The following TLL2 variants were observed in gnomAD, a reference collection of about 807,000 sequenced individuals.
TLL2 encodes tolloid like 2, also known as tolloid-like protein 2.
In TLL2, 106 loss-of-function variants were observed where a neutral mutation model predicts 123.0. That is an observed-to-expected ratio of 0.86 (90% confidence interval 0.74 to 1.01). The LOEUF is 1.01. Ranked by LOEUF, TLL2 falls within the 50% of genes least tolerant of loss-of-function variation. The probability of loss-of-function intolerance (pLI) is 0.00; values close to 1 mark genes in which losing one functional copy is unlikely to be tolerated. For missense variants in TLL2, 1,332 were observed against 1,336.7 expected, an observed-to-expected ratio of 1.00 and a Z score of 0.06; for synonymous variants, 494 against 516.8, an observed-to-expected ratio of 0.96 and a Z score of 0.60.
intron 13 of TLL2, among the ~76,000 whole-genome samples, chr10:96,394,811 A>G (rs1290841597): frequency 6.6e-6 from 1 of 152,226 alleles, no homozygotes; most frequent in Non-Finnish European, 1.5e-5. Flanking sequence ...TGGGGAATTA[A>G]ATGACATTAT....
intron 19 of TLL2, among the ~76,000 whole-genome samples, chr10:96,372,519 C>A (rs1351102401): frequency 6.6e-6 from 1 of 152,198 alleles, no homozygotes; most frequent in Non-Finnish European, 1.5e-5. Flanking sequence ...TTCTTCCTGA[C>A]ATTCTTCTAC....
intron 13 of TLL2, among the ~76,000 whole-genome samples, chr10:96,394,637 T>G (rs1301556245): frequency 6.6e-6 from 1 of 152,154 alleles, no homozygotes; most frequent in Non-Finnish European, 1.5e-5. Flanking sequence ...AACACCTGGG[T>G]TGCCTCTCTG....
Position 96,445,188 on chromosome 10 carries a change from C to A in TLL2, c.364+903G>T, listed in dbSNP as rs1034595832. On this transcript the variant is annotated intron_variant, in intron 3 of 20. Transcript: ENST00000357947. Reference sequence around the variant, plus strand: ...TGGGCGACAGAGCGAGACTCCACCTCAAAAAAAAAAATTTTTCTTTTGCTT... The same window carrying A: ...TGGGCGACAGAGCGAGACTCCACCTAAAAAAAAAAAATTTTTCTTTTGCTT... Among the ~76,000 whole-genome samples the A allele has an allele frequency of 1.1e-4, 16 of 148,420 alleles. No homozygotes were observed. In the South Asian group the frequency reaches 3.0e-3, roughly 28 times the overall value.
intron 1 of TLL2, among the ~76,000 whole-genome samples, chr10:96,504,002 A>G (rs1203983409): frequency 3.3e-5 from 5 of 152,186 alleles, no homozygotes; most frequent in Non-Finnish European, 5.9e-5. Flanking sequence ...AGAGGTCTCA[A>G]TGTCGTGTGC....
chr10:96,473,978 C>A (rs1847211309), intron 2 of TLL2, among the ~76,000 whole-genome samples: 1 of 152,072 alleles, frequency 6.6e-6, no homozygotes, highest in Non-Finnish European at 1.5e-5. Flanking sequence ...GCAAGAGGGT[C>A]GGAAAGTGTA....
chr10:96,479,812 T>C (rs1043311741), intron 2 of TLL2, among the ~76,000 whole-genome samples: 8 of 152,210 alleles, frequency 5.3e-5, no homozygotes, highest in Admixed American at 2.0e-4. Context: ...CTTACCTCTG[T>C]TCCTCAAATA....
At chr10:96,405,451 C>A in intron 9 of TLL2, 117 bp from the exon 10 acceptor site, 1 of 869,010 alleles carries the variant, frequency 1.2e-6, no homozygotes, top group Non-Finnish European at 1.9e-6. Flanking sequence ...TTTCAGACCA[C>A]GGTAGGAGTG....
intron 3 of TLL2, among the ~76,000 whole-genome samples, chr10:96,441,731 G>A (rs1009146376): frequency 1.3e-5 from 2 of 152,154 alleles, no homozygotes; most frequent in Non-Finnish European, 2.9e-5. Context: ...GGTGAGTAAG[G>A]GCTCAGTGTG....
intron 3 of TLL2, among the ~76,000 whole-genome samples, chr10:96,442,567 G>C (rs1403102893): frequency 6.6e-6 from 1 of 152,210 alleles, no homozygotes; most frequent in Non-Finnish European, 1.5e-5. Context: ...GTAATGCAGA[G>C]TGAAGGGACT....
Position 96,373,577 on chromosome 10 carries a change from A to G in TLL2, c.2662+19T>C. 1 of 1,609,106 alleles carries G rather than the reference A, an allele frequency of 6.2e-7. No individual in the cohort carries two copies. The highest frequency in any genetic ancestry group is 8.5e-7 in the Non-Finnish European group (1 of 1,175,568). On this transcript the variant is annotated intron_variant, in intron 19 of 20. Coordinates refer to ENST00000357947, the MANE Select transcript of TLL2 (RefSeq NM_012465.4). ...TCCAAGTGCTCATCAGGTGGAAGCC[A>G]GTGTCCCACCCCAGGTACCTGTGCT...
At chr10:96,480,833 A>G (rs1328927793) in intron 1 of TLL2, among the ~76,000 whole-genome samples, 1 of 152,230 alleles carries the variant, frequency 6.6e-6, no homozygotes, top group East Asian at 1.9e-4. Flanking sequence ...GATAAATTAT[A>G]CTGTTGCTCA....
chr10:96,395,440 AT>A (rs1846331179), intron 12 of TLL2, 58 bp from the exon 13 acceptor site: 1 of 1,482,982 alleles, frequency 6.7e-7, no homozygotes, highest in African/African-American at 1.4e-5. Context: ...AAGGTTTTTG[AT>A]TTAAGAAGAG....
chr10:96,411,013 G>A (rs191883496), intron 8 of TLL2, among the ~76,000 whole-genome samples: 8 of 152,168 alleles, frequency 5.3e-5, no homozygotes, highest in Non-Finnish European at 4.4e-5. Context: ...AGGCCAAGGC[G>A]GGTGGGTCAT....
chr10:96,479,995 G>A (rs1847295952), intron 2 of TLL2, among the ~76,000 whole-genome samples: 1 of 152,156 alleles, frequency 6.6e-6, no homozygotes, highest in South Asian at 2.1e-4. Context: ...ACTGCTCTTG[G>A]TTTCTCACAC....
intron 1 of TLL2, among the ~76,000 whole-genome samples, chr10:96,488,841 G>T (rs1847383011): frequency 6.6e-6 from 1 of 152,166 alleles, no homozygotes; most frequent in South Asian, 2.1e-4. Context: ...ATGTATCTGG[G>T]AGCCAAGGAT....
chr10:96,501,988 C>T (rs1847537437), intron 1 of TLL2, among the ~76,000 whole-genome samples: 1 of 152,166 alleles, frequency 6.6e-6, no homozygotes, highest in Non-Finnish European at 1.5e-5. Context: ...GTAATAGACC[C>T]AGTTACAGAT....
At chr10:96,510,396 T>TC (rs1847617340) in intron 1 of TLL2, among the ~76,000 whole-genome samples, 3 of 152,062 alleles carry the variant, frequency 2.0e-5, no homozygotes. Context: ...TAACTTCCAC[T>TC]CCCCCGTCAC....
At chr10:96,420,882 G>A in intron 7 of TLL2, 74 bp downstream of exon 7, 1 of 1,344,404 alleles carries the variant, frequency 7.4e-7, no homozygotes, top group Non-Finnish European at 1.1e-6. Flanking sequence ...ACTCTCCGCA[G>A]ACCTCCAGGA....
chr10:96,384,677 C>T lies in TLL2; in HGVS notation c.2104G>A (p.Val702Ile). The change falls in exon 16 of 21, where the codon GTC becomes ATC. Residue 702 changes from valine (V) to isoleucine (I), a missense_variant. Transcript: ENST00000357947. ...ATGTTGTTGCTCTGCGAGGTGATGA[C>T]CTCCGGCGTCTCAGAGCCGCAGAAC... Reference protein sequence around the residue: ...GRFCGSETPEVITSQSNNMRV... With the variant: ...GRFCGSETPEIITSQSNNMRV... 6.2e-7 allele frequency: 1 copy of T among 1,613,038 alleles called. No individual in the cohort carries two copies. The highest frequency in any genetic ancestry group is 8.5e-7 in the Non-Finnish European group (1 of 1,179,312).
Sources: gnomAD v4.1 joint callset for allele counts (sites outside exome capture counted in the v4.1 genomes callset) on GRCh38, gnomAD v4.1.1 for gene constraint, MANE v1.5 for transcripts, NCBI Gene and HGNC (gene_info 2026-07-23, HGNC 2026-07-21) for gene names.